Variants in SCLT1 observed in about 807,000 individuals in gnomAD.
The protein encoded by SCLT1 is sodium channel-associated protein 1.
In SCLT1, 78 loss-of-function variants were observed where a neutral mutation model predicts 112.8. The ratio of observed to expected loss-of-function variants is 0.69; its 90% CI spans 0.58 to 0.83. SCLT1 has a LOEUF of 0.83. Ranked by LOEUF, SCLT1 falls within the 40% of genes least tolerant of loss-of-function variation. The pLI is 0.00. For missense variants in SCLT1, 747 were observed against 770.4 expected, an observed-to-expected ratio of 0.97 and a Z score of 0.36; for synonymous variants, 257 against 254.7, an observed-to-expected ratio of 1.01 and a Z score of -0.09.
At chr4:128,953,206 C>T (rs1386310518) in intron 13 of SCLT1, among the ~76,000 whole-genome samples, 2 of 152,066 alleles carry the variant, frequency 1.3e-5, no homozygotes. Context: ...AATTTCTTAC[C>T]GATTAACCTG....
chr4:128,945,935 A>G, intron 16 of SCLT1, 72 bp downstream of exon 16: 1 of 987,636 alleles, frequency 1.0e-6, no homozygotes, highest in Non-Finnish European at 1.5e-6. Context: ...AAAAAAGAAA[A>G]GGTAGCGAAT....
At chr4:128,875,308 C>T (rs2125913054) in intron 4 of SCLT1, 1 of 152,700 alleles carries the variant, frequency 6.5e-6, no homozygotes, top group Admixed American at 6.5e-5. Flanking sequence ...TGTTTACTGT[C>T]TTCCACTTTA....
chr4:128,906,981 A>G (rs1052728075), intron 18 of SCLT1, among the ~76,000 whole-genome samples: 10 of 152,210 alleles, frequency 6.6e-5, no homozygotes, highest in Admixed American at 1.3e-4. Flanking sequence ...AAGCTGATAT[A>G]TAAAAGATAA....
rs556288372 is a variant in SCLT1, at chr4:129,021,399, G to A, written c.291-17523C>T. Among the ~76,000 whole-genome samples the A allele has an allele frequency of 9.2e-5, 14 of 152,304 alleles. No homozygotes were observed. In the East Asian group the frequency reaches 9.7e-4, roughly 11 times the overall value. ...AGGGAGCCAAGTGGTCTTGCTCGGC[G>A]GGTCCAACTCCCATGAAACCCAGCA... On this transcript the variant is annotated intron_variant, in intron 5 of 20. Transcript: ENST00000281142.
At position 129,028,831 on chromosome 4, in the gene SCLT1, C is replaced by CA. The variant is rs930506851; in HGVS notation, c.290+10209dup. ...ACAATGAACTCCAACAAATTTACAA[C>CA]AAAAAAAAAACCATCCCATCAAAAA... is the stretch of plus-strand genomic sequence containing the variant. On this transcript the variant is annotated intron_variant, in intron 5 of 20. Coordinates refer to ENST00000281142, the MANE Select transcript of SCLT1 (RefSeq NM_144643.4). Among the ~76,000 whole-genome samples, 1,296 of 146,114 alleles carry CA rather than the reference C, an allele frequency of 8.9e-3. 15 individuals carry two copies. The highest frequency in any genetic ancestry group is 0.031 in the African/African-American group (1,223 of 40,056).
intron 2 of SCLT1, among the ~76,000 whole-genome samples, chr4:129,047,765 T>A (rs956137138): frequency 3.3e-5 from 5 of 152,134 alleles, no homozygotes; most frequent in African/African-American, 1.2e-4. Context: ...TTCATATACT[T>A]CTTGGCCAGT....
At chr4:128,973,032 G>A (rs917613219) in intron 9 of SCLT1, among the ~76,000 whole-genome samples, 8 of 151,810 alleles carry the variant, frequency 5.3e-5, no homozygotes, top group African/African-American at 1.7e-4. Flanking sequence ...GTACTCACTC[G>A]CTGTTTTCTA....
intron 2 of SCLT1, 39 bp downstream of exon 2, chr4:129,082,267 C>T: frequency 9.8e-7 from 1 of 1,016,928 alleles, no homozygotes; most frequent in Non-Finnish European, 1.4e-6. Flanking sequence ...GGCAACTTCA[C>T]ATGAGAATAT....
intron 18 of SCLT1, among the ~76,000 whole-genome samples, chr4:128,894,363 AACACACACACACACACACACACACACAC>A (rs10522940): frequency 1.4e-5 from 2 of 143,018 alleles, no homozygotes; most frequent in African/African-American, 2.6e-5. Flanking sequence ...TTGAGTAAGT[AACACACACACACACACACACACACACAC>A]ACACACACAC....
chr4:129,038,910 G>T, intron 5 of SCLT1, 131 bp downstream of exon 5: 1 of 666,770 alleles, frequency 1.5e-6, no homozygotes, highest in Non-Finnish European at 2.7e-6. Context: ...CGAGCCAGGA[G>T]TCAAATAGAA....
chr4:129,045,498 T>G (rs1042595805), intron 2 of SCLT1, among the ~76,000 whole-genome samples: 3 of 152,076 alleles, frequency 2.0e-5, no homozygotes, highest in Non-Finnish European at 4.4e-5. Context: ...CTATAAAACA[T>G]AGCTAACAAA....
intron 9 of SCLT1, among the ~76,000 whole-genome samples, chr4:128,976,206 C>T (rs1237552549): frequency 6.6e-6 from 1 of 152,148 alleles, no homozygotes; most frequent in African/African-American, 2.4e-5. Context: ...TATGGATAGG[C>T]TCAATCTGAG....
intron 18 of SCLT1, among the ~76,000 whole-genome samples, chr4:128,912,045 G>T (rs318539): frequency 2.0e-5 from 3 of 152,050 alleles, no homozygotes; most frequent in East Asian, 1.9e-4. Context: ...AACCTGAAAA[G>T]GCTCACTTTT....
chr4:128,873,370 C>T (rs993691136), intron 5 of SCLT1: 1 of 151,988 alleles, frequency 6.6e-6, no homozygotes, highest in Non-Finnish European at 1.5e-5. Flanking sequence ...GCGATAAGCT[C>T]TTACTATTGA....
chr4:129,067,298 A>C (rs759958585), intron 2 of SCLT1, among the ~76,000 whole-genome samples: 1 of 151,960 alleles, frequency 6.6e-6, no homozygotes, highest in Admixed American at 6.6e-5. Flanking sequence ...TTTTACCAAC[A>C]TGGGAAGGAT....
intron 15 of SCLT1, among the ~76,000 whole-genome samples, chr4:128,947,400 G>GCA (rs1738265779): frequency 6.6e-6 from 1 of 151,818 alleles, no homozygotes; most frequent in African/African-American, 2.4e-5. Flanking sequence ...TTGAACACAT[G>GCA]TATTTTTTTT....
chr4:129,002,561 T>G (rs1163486285), intron 6 of SCLT1, among the ~76,000 whole-genome samples: 1 of 151,816 alleles, frequency 6.6e-6, no homozygotes, highest in Non-Finnish European at 1.5e-5. Context: ...TAAAATATTC[T>G]CTCTACAAAG....
At chr4:128,974,359 T>A (rs536361919) in intron 9 of SCLT1, among the ~76,000 whole-genome samples, 8 of 151,942 alleles carry the variant, frequency 5.3e-5, no homozygotes, top group Non-Finnish European at 1.0e-4. Context: ...TGTTTACTGA[T>A]AATTTTCACC....
chr4:129,046,032 G>C (rs1424454279), intron 2 of SCLT1, among the ~76,000 whole-genome samples: 1 of 152,018 alleles, frequency 6.6e-6, no homozygotes, highest in Non-Finnish European at 1.5e-5. Flanking sequence ...ATGAAAGGAA[G>C]ATAATCAATA....
Sources: gnomAD v4.1 joint callset for allele counts (sites outside exome capture counted in the v4.1 genomes callset) on GRCh38, gnomAD v4.1.1 for gene constraint, MANE v1.5 for transcripts, NCBI Gene and HGNC (gene_info 2026-07-23, HGNC 2026-07-21) for gene names.